Variants in HS3ST3B1 observed in about 807,000 individuals in gnomAD.
The protein encoded by HS3ST3B1 is heparan sulfate glucosamine 3-O-sulfotransferase 3B1.
A neutral mutation model predicts 21.3 loss-of-function variants in HS3ST3B1; 13 were observed. The ratio of observed to expected loss-of-function variants is 0.61; its 90% CI spans 0.40 to 0.97. The LOEUF (loss-of-function observed/expected upper bound fraction) is 0.97, where lower values mean the gene tolerates loss of function less well. HS3ST3B1 is among the 50% of genes least tolerant of loss of function. The probability of loss-of-function intolerance (pLI) is 0.00; values close to 1 mark genes in which losing one functional copy is unlikely to be tolerated. For missense variants in HS3ST3B1, 459 were observed against 554.8 expected (o/e 0.83, Z 1.73); for synonymous variants, 234 against 254.8 (o/e 0.92, Z 0.78).
chr17:14,344,899 T>C, intron 1 of HS3ST3B1, 129 bp from the exon 2 acceptor site: 1 of 1,365,064 alleles, frequency 7.3e-7, no homozygotes, highest in Non-Finnish European at 9.8e-7. Context: ...AAGTTCTACT[T>C]GCATTTTACA....
chr17:14,326,862 A>C (rs976471629), intron 1 of HS3ST3B1, among the ~76,000 whole-genome samples: 3 of 145,882 alleles, frequency 2.1e-5, no homozygotes, highest in African/African-American at 5.1e-5. Context: ...TGGAGGTTGC[A>C]GTGAGCAGAG....
chr17:14,310,070 G>T (rs758050), intron 1 of HS3ST3B1, among the ~76,000 whole-genome samples: 1 of 151,676 alleles, frequency 6.6e-6, no homozygotes, highest in Non-Finnish European at 1.5e-5. Flanking sequence ...CGATTCCGCA[G>T]ATTCAGTGGA....
intron 1 of HS3ST3B1, among the ~76,000 whole-genome samples, chr17:14,319,844 A>C (rs1057443160): frequency 3.3e-5 from 5 of 152,066 alleles, no homozygotes; most frequent in Non-Finnish European, 4.4e-5. Context: ...TAAGTTCTTT[A>C]GTGGTGATTT....
rs1908957625 is a variant in HS3ST3B1, at chr17:14,302,166, A to C, written c.554+94A>C. ...TATGATAGGGAATTGGCAGGGTTAC[A>C]GCTTCGGACCACCCGGGGTAGGGCA... On this transcript the variant is annotated intron_variant, in intron 1 of 1. Transcript: ENST00000360954. 2.1e-6 allele frequency: 3 copies of C among 1,403,610 alleles called. No homozygotes were observed. In the Admixed American group the frequency reaches 7.2e-5, roughly 33 times the overall value. 86.9% of individuals were successfully genotyped at this position (1,403,610 alleles called of 1,614,324 possible). A position where few individuals can be genotyped will look rare whatever the true frequency, so the allele number is the denominator to read the frequency against.
intron 1 of HS3ST3B1, among the ~76,000 whole-genome samples, chr17:14,333,892 A>G (rs1910103090): frequency 6.6e-6 from 1 of 152,132 alleles, no homozygotes; most frequent in African/African-American, 2.4e-5. Context: ...CCTCCCCAGT[A>G]GCTGGGATTA....
chr17:14,334,268 GT>G lies in HS3ST3B1; in HGVS notation c.555-10747del, dbSNP rs11384759. Among the ~76,000 whole-genome samples the G allele has an allele frequency of 6.5e-3, 952 of 146,840 alleles. 7 individuals carry two copies. The highest frequency in any genetic ancestry group is 0.016 in the African/African-American group (646 of 40,178). ...TGCTAGATTCCAGTGTTTTTTCATG[GT>G]TTTTTTTTTTTTAAATTGACTTTAT... On this transcript the variant is annotated intron_variant, in intron 1 of 1. Transcript: ENST00000360954.
intron 1 of HS3ST3B1, among the ~76,000 whole-genome samples, chr17:14,315,723 G>C (rs1909476930): frequency 6.6e-6 from 1 of 151,682 alleles, no homozygotes; most frequent in African/African-American, 2.4e-5. Flanking sequence ...CAGGAGGCTG[G>C]AGCAGGAGAA....
At chr17:14,314,226 G>C (rs551467633) in intron 1 of HS3ST3B1, among the ~76,000 whole-genome samples, 1 of 122,334 alleles carries the variant, frequency 8.2e-6, no homozygotes, top group African/African-American at 2.6e-5. Flanking sequence ...TGATCCACCC[G>C]CCTCGGCCTC....
In HS3ST3B1 at chr17:14,326,767, A is replaced by G. The variant is rs192543777; in HGVS notation, c.555-18261A>G. ...AACCCCATCTCTACTACAAATACAA[A>G]AAAACTAGCTGGACGTGGTGGTGTG... On this transcript the variant is annotated intron_variant, in intron 1 of 1. Coordinates refer to ENST00000360954, the MANE Select transcript of HS3ST3B1 (RefSeq NM_006041.3). Among the ~76,000 whole-genome samples, 555 of 152,022 alleles carry G rather than the reference A, an allele frequency of 3.7e-3. 3 individuals carry two copies. Among genetic ancestry groups the G allele is most frequent in the African/African-American group, 0.013 (529 of 41,452 alleles).
rs1909023549 is a variant in HS3ST3B1 at position 14,303,692 on chromosome 17, GC to G, written c.554+1622del. Among the ~76,000 whole-genome samples, 1 of 152,152 alleles carries G rather than the reference GC, an allele frequency of 6.6e-6. No individual in the cohort carries two copies. Among genetic ancestry groups the G allele is most frequent in the South Asian group, 2.1e-4 (1 of 4,834 alleles). On this transcript the variant is annotated intron_variant, in intron 1 of 1. Coordinates refer to ENST00000360954, the MANE Select transcript of HS3ST3B1 (RefSeq NM_006041.3). The surrounding 1 kb of genome is among the most constrained non-coding windows in gnomAD (Gnocchi z 5.7). ...TAAGGTGCCTCGCAGGCACGTGAGG[GC>G]CTCTCTAATCGTTAGCTATTGTCAC...
intron 1 of HS3ST3B1, among the ~76,000 whole-genome samples, chr17:14,317,533 C>A (rs1349087572): frequency 1.3e-5 from 2 of 152,190 alleles, no homozygotes; most frequent in Non-Finnish European, 2.9e-5. Context: ...GAAAAAGACA[C>A]CATCCAGCTG....
At chr17:14,324,120 A>C (rs1198725945) in intron 1 of HS3ST3B1, among the ~76,000 whole-genome samples, 1 of 152,076 alleles carries the variant, frequency 6.6e-6, no homozygotes, top group Non-Finnish European at 1.5e-5. Flanking sequence ...CTCGCTTATA[A>C]TCTGGGGTTA....
chr17:14,335,151 T>C (rs1054322148), intron 1 of HS3ST3B1, among the ~76,000 whole-genome samples: 3 of 152,156 alleles, frequency 2.0e-5, no homozygotes, highest in Admixed American at 6.5e-5. Context: ...ATTCCACTGC[T>C]GAACTAATTT....
At chr17:14,321,685 T>C (rs1010009430) in intron 1 of HS3ST3B1, among the ~76,000 whole-genome samples, 1 of 136,124 alleles carries the variant, frequency 7.3e-6, no homozygotes, top group African/African-American at 2.7e-5. Flanking sequence ...TTTTCTTCCA[T>C]AGAACACTGA....
intron 1 of HS3ST3B1, among the ~76,000 whole-genome samples, chr17:14,312,694 C>A (rs1305701747): frequency 1.3e-5 from 2 of 151,968 alleles, no homozygotes; most frequent in African/African-American, 4.8e-5. Flanking sequence ...CCTCTACCAA[C>A]TCATCCCTTC....
At chr17:14,338,797 C>G (rs1910279143) in intron 1 of HS3ST3B1, among the ~76,000 whole-genome samples, 1 of 152,144 alleles carries the variant, frequency 6.6e-6, no homozygotes, top group African/African-American at 2.4e-5. Flanking sequence ...TGAAATACTC[C>G]AAATCCTCCT....
intron 1 of HS3ST3B1, among the ~76,000 whole-genome samples, chr17:14,309,438 G>A (rs966086007): frequency 1.2e-4 from 18 of 152,244 alleles, no homozygotes; most frequent in African/African-American, 3.9e-4. Context: ...GCCCGCGCTA[G>A]AGGTGGGCGG....
At chr17:14,335,492 C>T (rs2006828) in intron 1 of HS3ST3B1, among the ~76,000 whole-genome samples, 28,351 of 152,060 alleles carry the variant, frequency 0.19, 3,294 homozygotes, top group East Asian at 0.39. Context: ...GTCAGGAGTT[C>T]GACACCAGCC....
Position 14,303,214 on chromosome 17 carries a change from C to T in HS3ST3B1, c.554+1142C>T, listed in dbSNP as rs1284730002. Reference sequence around the variant, plus strand: ...TCTCCACCCGTAACCCCAGCCAGCACGACATTCAGACACCCCTCCAGGCCC... The same window carrying T: ...TCTCCACCCGTAACCCCAGCCAGCATGACATTCAGACACCCCTCCAGGCCC... On this transcript the variant is annotated intron_variant, in intron 1 of 1. Transcript: ENST00000360954. This position sits in a 1 kb window ranked among gnomAD's most constrained non-coding sequence, Gnocchi z 5.7. 6.6e-6 allele frequency among the ~76,000 whole-genome samples: 1 copy of T among 152,116 alleles called. No individual in the cohort carries two copies. The highest frequency in any genetic ancestry group is 1.5e-5 in the Non-Finnish European group (1 of 68,018).
Sources: allele counts gnomAD v4.1 joint callset (sites outside exome capture counted in the v4.1 genomes callset), GRCh38; gene constraint gnomAD v4.1.1; non-coding constraint Gnocchi (gnomAD v3.1); transcripts MANE v1.5; gene names NCBI Gene and HGNC (gene_info 2026-07-23, HGNC 2026-07-21).